SLC25A13: variants seen among roughly 807,000 people sequenced by gnomAD.
SLC25A13 encodes the protein electrogenic aspartate/glutamate antiporter SLC25A13, mitochondrial.
A neutral mutation model predicts 85.5 loss-of-function variants in SLC25A13; 70 were observed. That is an observed-to-expected ratio of 0.82 (90% confidence interval 0.68 to 1.00). SLC25A13 has a LOEUF of 1.00. Among genes scored for constraint, SLC25A13 ranks in the 50% least tolerant of loss-of-function variants. SLC25A13 has a pLI of 0.00. For missense variants in SLC25A13, 765 were observed against 819.8 expected (o/e 0.93, Z 0.82); for synonymous variants, 259 against 288.7 (o/e 0.90, Z 1.04).
intron 13 of SLC25A13, among the ~76,000 whole-genome samples, chr7:96,148,343 A>ATGC (rs1792887614): frequency 6.6e-6 from 1 of 152,156 alleles, no homozygotes; most frequent in South Asian, 2.1e-4. Context: ...TTTTGCTCAG[A>ATGC]TGCTGCTGCT....
chr7:96,267,406 C>T (rs2116911841), intron 3 of SLC25A13, among the ~76,000 whole-genome samples: 1 of 152,310 alleles, frequency 6.6e-6, no homozygotes, highest in East Asian at 1.9e-4. Flanking sequence ...ATATAGGCCA[C>T]ATATTTCTAA....
intron 15 of SLC25A13, among the ~76,000 whole-genome samples, chr7:96,124,588 T>G (rs1296273597): frequency 6.6e-6 from 1 of 152,222 alleles, no homozygotes; most frequent in Non-Finnish European, 1.5e-5. Context: ...GCTACTTGCT[T>G]ATTGTTGATA....
At chr7:96,161,125 C>T (rs1389694473) in intron 13 of SLC25A13, among the ~76,000 whole-genome samples, 2 of 152,212 alleles carry the variant, frequency 1.3e-5, no homozygotes, top group African/African-American at 4.8e-5. Flanking sequence ...ATAAGCTATA[C>T]CAAATGCTCC....
intron 11 of SLC25A13, among the ~76,000 whole-genome samples, chr7:96,174,751 T>C (rs1355049444): frequency 6.6e-6 from 1 of 152,212 alleles, no homozygotes; most frequent in Non-Finnish European, 1.5e-5. Context: ...ATGACTACTG[T>C]GTTAGATACA....
intron 13 of SLC25A13, among the ~76,000 whole-genome samples, chr7:96,156,967 G>T (rs1793292889): frequency 6.6e-6 from 1 of 152,206 alleles, no homozygotes; most frequent in South Asian, 2.1e-4. Flanking sequence ...GTCATTTCAA[G>T]ATAGGAGCAA....
chr7:96,183,316 T>G (rs930349457), intron 11 of SLC25A13, among the ~76,000 whole-genome samples: 1 of 152,096 alleles, frequency 6.6e-6, no homozygotes, highest in Non-Finnish European at 1.5e-5. Context: ...ACTGGGGTAA[T>G]TAATTTGAAG....
At chr7:96,132,694 T>C (rs1037085370) in intron 14 of SLC25A13, among the ~76,000 whole-genome samples, 1 of 152,214 alleles carries the variant, frequency 6.6e-6, no homozygotes, top group African/African-American at 2.4e-5. Flanking sequence ...AAGGAAATCA[T>C]CACTTTTCAA....
At chr7:96,280,606 T>A (rs925060827) in intron 2 of SLC25A13, among the ~76,000 whole-genome samples, 4 of 152,068 alleles carry the variant, frequency 2.6e-5, no homozygotes, top group African/African-American at 9.7e-5. Context: ...TCCCAGCTAC[T>A]TGGGAGACTG....
At chr7:96,221,388 C>A (rs1280609370) in intron 4 of SLC25A13, among the ~76,000 whole-genome samples, 3 of 152,136 alleles carry the variant, frequency 2.0e-5, no homozygotes, top group African/African-American at 4.8e-5. Context: ...AAAATAAAAT[C>A]AAATCTACTG....
intron 3 of SLC25A13, among the ~76,000 whole-genome samples, chr7:96,246,702 A>T (rs1270782488): frequency 2.0e-5 from 3 of 152,084 alleles, no homozygotes; most frequent in Non-Finnish European, 2.9e-5. Context: ...TACACACAAA[A>T]CCTCTCTTGA....
chr7:96,303,592 T>G (rs929812351), intron 1 of SLC25A13, among the ~76,000 whole-genome samples: 3 of 152,230 alleles, frequency 2.0e-5, no homozygotes, highest in Admixed American at 2.0e-4. Flanking sequence ...ACTCCCTTGC[T>G]GCTATGCGGC....
chr7:96,159,812 G>A (rs1253716341), intron 13 of SLC25A13, among the ~76,000 whole-genome samples: 1 of 152,084 alleles, frequency 6.6e-6, no homozygotes, highest in Non-Finnish European at 1.5e-5. Context: ...TTCTGAGAAA[G>A]ATACCAAACT....
At chr7:96,186,361 G>A (rs534942439) in intron 9 of SLC25A13, among the ~76,000 whole-genome samples, 10 of 152,196 alleles carry the variant, frequency 6.6e-5, no homozygotes, top group South Asian at 6.2e-4. Context: ...CCTGGGAGGC[G>A]GAGGCTGCAG....
At chr7:96,189,551 C>CAA in intron 8 of SLC25A13, 30 bp downstream of exon 8, 1 of 1,363,608 alleles carries the variant, frequency 7.3e-7, no homozygotes, top group Admixed American at 1.9e-5. Flanking sequence ...TAAGCTAATT[C>CAA]CAAAAAAAAA....
intron 5 of SLC25A13, among the ~76,000 whole-genome samples, chr7:96,200,427 T>C (rs1433138263): frequency 6.6e-6 from 1 of 152,182 alleles, no homozygotes; most frequent in Non-Finnish European, 1.5e-5. Flanking sequence ...AAGAAAAACA[T>C]TCTAATTAAA....
chr7:96,133,072 G>A (rs1263999364), intron 14 of SLC25A13, among the ~76,000 whole-genome samples: 2 of 152,158 alleles, frequency 1.3e-5, no homozygotes, highest in African/African-American at 4.8e-5. Flanking sequence ...ACACAGGCAG[G>A]ACATCAGATT....
chr7:96,196,101 C>A (rs1295443102), intron 5 of SLC25A13, among the ~76,000 whole-genome samples: 2 of 152,112 alleles, frequency 1.3e-5, no homozygotes, highest in Admixed American at 6.6e-5. Flanking sequence ...TTCTGTAAAA[C>A]CAACTGAATG....
chr7:96,273,954 T>C (rs1376180552), intron 3 of SLC25A13, among the ~76,000 whole-genome samples: 2 of 152,194 alleles, frequency 1.3e-5, no homozygotes, highest in Admixed American at 6.5e-5. Context: ...GTGTGAAATA[T>C]AGCCCAGCCT....
chr7:96,253,172 G>C (rs1328634231), intron 3 of SLC25A13, among the ~76,000 whole-genome samples: 1 of 152,162 alleles, frequency 6.6e-6, no homozygotes, highest in Non-Finnish European at 1.5e-5. Flanking sequence ...GCAGAAAGAA[G>C]AGAAATGGGG....
Sources: allele counts gnomAD v4.1 joint callset (sites outside exome capture counted in the v4.1 genomes callset), GRCh38; gene constraint gnomAD v4.1.1; transcripts MANE v1.5; gene names NCBI Gene and HGNC (gene_info 2026-07-23, HGNC 2026-07-21).